Variants in ENTREP1 observed in about 807,000 individuals in gnomAD.
ENTREP1 encodes endosomal transmembrane epsin interactor 1, also known as Friedreich ataxia region gene X123.
the ENTREP1 span, among the ~76,000 whole-genome samples, chr9:69,357,887 C>T: frequency 6.6e-6 from 1 of 152,090 alleles, no homozygotes; most frequent in Non-Finnish European, 1.5e-5. Flanking sequence ...GCTCATGATT[C>T]TAGATCTTTA....
the ENTREP1 span, chr9:69,325,280 G>C: frequency 1.3e-4 from 4 of 31,110 alleles, no homozygotes; most frequent in Non-Finnish European, 1.1e-4. Flanking sequence ...GCAGCCGGCC[G>C]CACCCGGCCG....
the ENTREP1 span, among the ~76,000 whole-genome samples, chr9:69,389,636 A>G: frequency 6.6e-6 from 1 of 152,088 alleles, no homozygotes; most frequent in Non-Finnish European, 1.5e-5. Context: ...ATTGTCTGTC[A>G]CCTTCCCTCT....
At chr9:69,392,304 C>T in the ENTREP1 span, 1 of 159,322 alleles carries the variant, frequency 6.3e-6, no homozygotes, top group Non-Finnish European at 1.4e-5. Flanking sequence ...CCTCAAATCA[C>T]ACTCTCTTTA....
At chr9:69,357,760 G>A in the ENTREP1 span, among the ~76,000 whole-genome samples, 1 of 152,126 alleles carries the variant, frequency 6.6e-6, no homozygotes, top group Non-Finnish European at 1.5e-5. Context: ...TTGCTGTGGT[G>A]CTGGGCTGTC....
the ENTREP1 span, among the ~76,000 whole-genome samples, chr9:69,340,876 T>C: frequency 1.3e-5 from 2 of 152,184 alleles, no homozygotes; most frequent in African/African-American, 4.8e-5. Flanking sequence ...ATTTTCCATT[T>C]TTAAAGAATG....
At chr9:69,387,920 G>A in the ENTREP1 span, 1 of 1,463,924 alleles carries the variant, frequency 6.8e-7, no homozygotes, top group Non-Finnish European at 9.2e-7. Flanking sequence ...TTACCTTGGG[G>A]GTGGTGTCGT....
the ENTREP1 span, chr9:69,325,431 TGCGGCCGCGCTGGCCCCGGG>T: frequency 1.0e-6 from 1 of 973,324 alleles, no homozygotes; most frequent in Non-Finnish European, 1.2e-6. Flanking sequence ...CTGCCCCCGC[TGCGGCCGCGCTGGCCCCGGG>T]GCGCGCTGCA....
the ENTREP1 span, chr9:69,384,009 CACACAAGTGACTCA>C: frequency 3.1e-6 from 5 of 1,610,412 alleles, no homozygotes; most frequent in Non-Finnish European, 3.4e-6. Context: ...ATCTGGGCTG[CACACAAGTGACTCA>C]AGGTAATAGA....
chr9:69,366,629 G>A, the ENTREP1 span, among the ~76,000 whole-genome samples: 1 of 151,946 alleles, frequency 6.6e-6, no homozygotes. Flanking sequence ...GTGTTCTAGA[G>A]TATTTTCTCT....
At chr9:69,383,295 A>G in the ENTREP1 span, 3 of 799,946 alleles carry the variant, frequency 3.8e-6, no homozygotes, top group Non-Finnish European at 3.2e-6. Flanking sequence ...GAGAGACCCC[A>G]TACCCATCAA....
At chr9:69,385,857 C>G in the ENTREP1 span, 2 of 1,609,836 alleles carry the variant, frequency 1.2e-6, no homozygotes, top group Non-Finnish European at 1.7e-6. Context: ...CAGTTCAACC[C>G]TGGTGCGTCC....
At chr9:69,340,776 T>C in the ENTREP1 span, among the ~76,000 whole-genome samples, 1 of 137,320 alleles carries the variant, frequency 7.3e-6, no homozygotes, top group Admixed American at 7.2e-5. Context: ...TGTGTGTGTG[T>C]ATGTGTGTGT....
the ENTREP1 span, among the ~76,000 whole-genome samples, chr9:69,376,747 A>G: frequency 6.6e-6 from 1 of 152,222 alleles, no homozygotes; most frequent in Non-Finnish European, 1.5e-5. Flanking sequence ...TTTCTGAGCC[A>G]GGACTTAGCT....
chr9:69,385,774 T>C, the ENTREP1 span: 3 of 1,348,092 alleles, frequency 2.2e-6, no homozygotes, highest in Non-Finnish European at 2.8e-6. Flanking sequence ...TTTTTTTTTT[T>C]TTTTTTTTTT....
chr9:69,371,100 C>G, the ENTREP1 span, among the ~76,000 whole-genome samples: 124,875 of 152,130 alleles, frequency 0.82, 51,298 homozygotes, highest in South Asian at 0.89. Context: ...TGAGCTCCTT[C>G]ATGTCCCTGT....
chr9:69,379,144 A>G, the ENTREP1 span, among the ~76,000 whole-genome samples: 1 of 152,230 alleles, frequency 6.6e-6, no homozygotes, highest in Non-Finnish European at 1.5e-5. Context: ...TAATCCCTGT[A>G]GTACATGTAG....
chr9:69,342,319 G>A, the ENTREP1 span, among the ~76,000 whole-genome samples: 2 of 152,172 alleles, frequency 1.3e-5, no homozygotes, highest in East Asian at 3.8e-4. Context: ...ATGATTGTTA[G>A]AAAGAACCCA....
the ENTREP1 span, chr9:69,383,143 A>C: frequency 1.0e-6 from 1 of 983,298 alleles, no homozygotes; most frequent in Non-Finnish European, 1.2e-6. Flanking sequence ...AATTTTCCTG[A>C]GTCCTTAGCT....
the ENTREP1 span, among the ~76,000 whole-genome samples, chr9:69,349,443 C>G: frequency 1.3e-5 from 2 of 152,202 alleles, no homozygotes; most frequent in Non-Finnish European, 2.9e-5. Context: ...CAACACTGAT[C>G]GTCTGTTTTT....
Sources: gnomAD v4.1 joint callset for allele counts (sites outside exome capture counted in the v4.1 genomes callset) on GRCh38, gnomAD v4.1.1 for gene constraint, MANE v1.5 for transcripts, NCBI Gene and HGNC (gene_info 2026-07-23, HGNC 2026-07-21) for gene names.